Variants in PANK3 observed in about 807,000 individuals in gnomAD.
The protein encoded by PANK3 is hPanK3.
Under a neutral mutation model 39.4 loss-of-function variants are expected in PANK3, and 20 were observed. That is an observed-to-expected ratio of 0.51 (90% CI 0.36 to 0.74). The LOEUF is 0.74. Ranked by LOEUF, PANK3 falls within the 30% of genes least tolerant of loss-of-function variation. The pLI is 0.00. For synonymous variants in PANK3, 140 were observed against 157.3 expected, an observed-to-expected ratio of 0.89 and a Z score of 0.82; for missense variants, 265 against 437.0, an observed-to-expected ratio of 0.61 and a Z score of 3.51.
At chr5:168,560,965 A>T in intron 5 of PANK3, 1 of 509,988 alleles carries the variant, frequency 2.0e-6, no homozygotes, top group Non-Finnish European at 4.1e-6. Flanking sequence ...AAAGAAGCCG[A>T]GGGCAGTAAG....
In PANK3 at chr5:168,558,462, C is replaced by T. The variant is rs150442800; in HGVS notation, c.1062+570G>A. 3.4e-4 allele frequency among the ~76,000 whole-genome samples: 52 copies of T among 152,170 alleles called. No individual in the cohort carries two copies. The East Asian group carries it at 8.5e-3, about 25-fold the overall frequency. On this transcript the variant is annotated intron_variant, in intron 6 of 6. Coordinates refer to ENST00000239231, the MANE Select transcript of PANK3 (RefSeq NM_024594.4). ...TACAGGCATGAGCCACCGCACCCGG[C>T]CAAGACATGGAAGCTTTTAAGAGCA...
Position 168,553,529 on chromosome 5 carries a change from G to A in PANK3, c.*4042C>T, listed in dbSNP as rs150075855. The A allele has an allele frequency of 6.0e-6, 2 of 335,926 alleles. No individual in the cohort carries two copies. Among genetic ancestry groups the A allele is most frequent in the East Asian group, 1.6e-4 (2 of 12,712 alleles). 20.8% of individuals were successfully genotyped at this position (335,926 alleles called of 1,614,324 possible). On this transcript the variant is annotated 3_prime_UTR_variant, in exon 7 of 7. Transcript: ENST00000239231. ...GAAGATGGCCACAGACAAGGGCCAG[G>A]GGGACATGAGCAAAACCTCAGAGGG...
At position 168,551,256 on chromosome 5, in the gene PANK3, A is replaced by G. The variant is rs781278925; in HGVS notation, c.*6315T>C. On this transcript the variant is annotated 3_prime_UTR_variant, in exon 7 of 7. Coordinates refer to ENST00000239231, the MANE Select transcript of PANK3 (RefSeq NM_024594.4). ...AAGTTGGCTGAATTCCTTAGGTATT[A>G]GAATAAACATAAACTTGATCATGGA... is the stretch of plus-strand genomic sequence containing the variant. The G allele has an allele frequency of 6.6e-6, 1 of 152,214 alleles. No individual in the cohort carries two copies. The highest frequency in any genetic ancestry group is 1.5e-5 in the Non-Finnish European group (1 of 68,014). 9.4% of individuals were successfully genotyped at this position (152,214 alleles called of 1,614,324 possible). A position where few individuals can be genotyped will look rare whatever the true frequency, so the allele number is the denominator to read the frequency against.
chr5:168,579,128 C>T (rs1483728269), intron 1 of PANK3, 128 bp downstream of exon 1: 29 of 779,812 alleles, frequency 3.7e-5, no homozygotes, highest in Non-Finnish European at 4.5e-5. Flanking sequence ...AATGGTCCCT[C>T]CGCCCCCATA....
intron 3 of PANK3, among the ~76,000 whole-genome samples, chr5:168,565,484 A>C (rs1466735488): frequency 6.6e-6 from 1 of 152,186 alleles, no homozygotes; most frequent in East Asian, 1.9e-4. Flanking sequence ...AAAAGTCAAA[A>C]AATAGGTAAA....
intron 1 of PANK3, 124 bp downstream of exon 1, chr5:168,579,132 C>A: frequency 4.9e-6 from 4 of 818,968 alleles, no homozygotes; most frequent in Non-Finnish European, 7.1e-6. Flanking sequence ...GTCCCTCCGC[C>A]CCCATACCGG....
rs954283748 is a variant in PANK3 at position 168,554,462 on chromosome 5, G to A, written c.*3109C>T. 5.3e-5 allele frequency: 8 copies of A among 152,026 alleles called. No homozygotes were observed. Among genetic ancestry groups the A allele is most frequent in the South Asian group, 2.1e-4 (1 of 4,826 alleles). 9.4% of individuals were successfully genotyped at this position (152,026 alleles called of 1,614,324 possible). Reference sequence around the variant, plus strand: ...ATTTTATACTCAAGTCCTTATATTCGATTACAGGCATGAGCCACTGCACCC... The same window carrying A: ...ATTTTATACTCAAGTCCTTATATTCAATTACAGGCATGAGCCACTGCACCC... On this transcript the variant is annotated 3_prime_UTR_variant, in exon 7 of 7. Transcript: ENST00000239231.
At position 168,557,623 on chromosome 5, in the gene PANK3, T is replaced by C. The variant is rs781153812; in HGVS notation, c.1063-2A>G. On this transcript the variant is annotated splice_acceptor_variant, in intron 6 of 6. Coordinates refer to ENST00000239231, the MANE Select transcript of PANK3 (RefSeq NM_024594.4). LOFTEE classifies it high-confidence loss of function. ...TGCACCAACTGCTCCAAAGTAACCCTGTGTAATTTAAAAATAACTGTTATG... is the reference window on the plus strand; with the variant it reads ...TGCACCAACTGCTCCAAAGTAACCCCGTGTAATTTAAAAATAACTGTTATG... 2.5e-6 allele frequency: 4 copies of C among 1,613,172 alleles called. No individual in the cohort carries two copies. In the South Asian group the frequency reaches 3.3e-5, roughly 13 times the overall value.
chr5:168,570,474 C>T (rs990735360), intron 1 of PANK3, among the ~76,000 whole-genome samples: 1 of 151,632 alleles, frequency 6.6e-6, no homozygotes, highest in Admixed American at 6.6e-5. Context: ...AATAAAATAC[C>T]TGCCCTGAAG....
chr5:168,572,731 G>C (rs996434377), intron 1 of PANK3, among the ~76,000 whole-genome samples: 5 of 152,120 alleles, frequency 3.3e-5, no homozygotes, highest in Non-Finnish European at 7.3e-5. Flanking sequence ...GCTTAGCTTG[G>C]GCTCAGAGGC....
chr5:168,562,811 G>A (rs2124880), intron 4 of PANK3, among the ~76,000 whole-genome samples: 2 of 152,126 alleles, frequency 1.3e-5, no homozygotes, highest in Non-Finnish European at 2.9e-5. Context: ...TTTTGTAATA[G>A]AGAAAATGTT....
At position 168,556,409 on chromosome 5, in the gene PANK3, C is replaced by T. The variant is rs993849593; in HGVS notation, c.*1162G>A. Reference sequence around the variant, plus strand: ...GAGTTTGGACCTTGGTGACACTCAGCCTCTCTTCCCCTTTTCCTATGTTGC... The same window carrying T: ...GAGTTTGGACCTTGGTGACACTCAGTCTCTCTTCCCCTTTTCCTATGTTGC... On this transcript the variant is annotated 3_prime_UTR_variant, in exon 7 of 7. Coordinates refer to ENST00000239231, the MANE Select transcript of PANK3 (RefSeq NM_024594.4). 1.3e-5 allele frequency: 2 copies of T among 152,270 alleles called. No homozygotes were observed. The highest frequency in any genetic ancestry group is 2.9e-5 in the Non-Finnish European group (2 of 68,124). 9.4% of individuals were successfully genotyped at this position (152,270 alleles called of 1,614,324 possible).
Position 168,557,622 on chromosome 5 carries a change from C to T in PANK3, c.1063-1G>A. ...GTGCACCAACTGCTCCAAAGTAACC[C>T]TGTGTAATTTAAAAATAACTGTTAT... On this transcript the variant is annotated splice_acceptor_variant, in intron 6 of 6. Coordinates refer to ENST00000239231, the MANE Select transcript of PANK3 (RefSeq NM_024594.4). LOFTEE classifies it high-confidence loss of function. The T allele has an allele frequency of 6.2e-7, 1 of 1,613,304 alleles. No homozygotes were observed. Among genetic ancestry groups the T allele is most frequent in the Non-Finnish European group, 8.5e-7 (1 of 1,179,584 alleles).
intron 5 of PANK3, 110 bp downstream of exon 5, chr5:168,561,283 T>C (rs1759443294): frequency 3.2e-6 from 3 of 940,932 alleles, no homozygotes; most frequent in Admixed American, 5.6e-5. Flanking sequence ...ATGGGTTACA[T>C]CTCAATCCCA....
At position 168,561,432 on chromosome 5, in the gene PANK3, A is replaced by G. The variant is rs1258074625; in HGVS notation, c.897T>C (p.Asn299=). The G allele has an allele frequency of 1.2e-6, 2 of 1,601,368 alleles. No homozygotes were observed. The highest frequency in any genetic ancestry group is 1.7e-6 in the Non-Finnish European group (2 of 1,174,446). Reference sequence around the variant, plus strand: ...ACATTCGTGCCACAGAACCAATGTTATTGGTGATAGTAACTAAAGTAGCTC... The same window carrying G: ...ACATTCGTGCCACAGAACCAATGTTGTTGGTGATAGTAACTAAAGTAGCTC... ...LARATLVTIT[N]NIGSVARMCA... Residue 299 remains asparagine (N), a synonymous_variant, in exon 5 of 7, where the codon AAT becomes AAC. Transcript: ENST00000239231.
At chr5:168,575,962 C>T (rs752593157) in intron 1 of PANK3, among the ~76,000 whole-genome samples, 9 of 152,150 alleles carry the variant, frequency 5.9e-5, no homozygotes, top group Non-Finnish European at 1.2e-4. Context: ...GATAACGCTT[C>T]AACTTCCTGG....
intron 1 of PANK3, among the ~76,000 whole-genome samples, chr5:168,572,340 C>T (rs1759651829): frequency 6.6e-6 from 1 of 151,208 alleles, no homozygotes; most frequent in Non-Finnish European, 1.5e-5. Flanking sequence ...TTTTGATCTC[C>T]TAACCTTGTG....
At chr5:168,568,472 G>A (rs948873575) in intron 2 of PANK3, among the ~76,000 whole-genome samples, 174 bp downstream of exon 2, 4 of 151,916 alleles carry the variant, frequency 2.6e-5, no homozygotes, top group Non-Finnish European at 2.9e-5. Flanking sequence ...GACCAAATCC[G>A]GGCAATTTTT....
At chr5:168,564,163 G>A in intron 3 of PANK3, 98 bp from the exon 4 acceptor site, 6 of 1,080,232 alleles carry the variant, frequency 5.6e-6, no homozygotes, top group Non-Finnish European at 5.0e-6. Context: ...TGAACACACA[G>A]AAAAAAAACC....
Sources: allele counts gnomAD v4.1 joint callset (sites outside exome capture counted in the v4.1 genomes callset), GRCh38; gene constraint gnomAD v4.1.1; transcripts MANE v1.5; gene names NCBI Gene and HGNC (gene_info 2026-07-23, HGNC 2026-07-21).